The following SKA2 variants were observed in gnomAD, a reference collection of about 807,000 sequenced individuals.
The protein encoded by SKA2 is spindle and kinetochore-associated protein 2.
A neutral mutation model predicts 16.9 loss-of-function variants in SKA2; 13 were observed. That is an observed-to-expected ratio of 0.77 (90% CI 0.50 to 1.22). The LOEUF is 1.22. SKA2 is among the 50% of genes most tolerant of loss of function. The probability of loss-of-function intolerance (pLI) is 0.00; values close to 1 mark genes in which losing one functional copy is unlikely to be tolerated. For missense variants in SKA2, 107 were observed against 139.7 expected, an observed-to-expected ratio of 0.77 and a Z score of 1.18; for synonymous variants, 47 against 48.5, an observed-to-expected ratio of 0.97 and a Z score of 0.13.
At chr17:59,122,330 C>T (rs2046340609) in intron 2 of SKA2, among the ~76,000 whole-genome samples, 1 of 152,020 alleles carries the variant, frequency 6.6e-6, no homozygotes, top group South Asian at 2.1e-4. Context: ...AATTCAAAGG[C>T]TGGGTGCAGT....
intron 2 of SKA2, among the ~76,000 whole-genome samples, chr17:59,125,419 ATGGCTGAGCG>A (rs1366467489): frequency 2.0e-5 from 3 of 151,474 alleles, no homozygotes; most frequent in Non-Finnish European, 4.4e-5. Context: ...GGTTACAAGA[ATGGCTGAGCG>A]AGGTGGCTCA....
In SKA2 at chr17:59,124,434, G is replaced by GAA. The variant is rs11407682; in HGVS notation, c.121-4941_121-4940dup. The GAA allele has an allele frequency of 3.0e-3, 434 of 146,826 alleles. 1 individual carries two copies. The highest frequency in any genetic ancestry group is 4.1e-3 in the Non-Finnish European group (271 of 66,812). The allele number at this position is 146,826 out of a possible 1,614,324, so 9.1% of individuals were successfully genotyped here. On this transcript the variant is annotated intron_variant, in intron 2 of 3. Transcript: ENST00000330137. Reference sequence around the variant, plus strand: ...ACAACAGAGTGAGACTCTGTCTGGGGAAAAAAAAAAAAGTTTAACATTGGG... The same window carrying GAA: ...ACAACAGAGTGAGACTCTGTCTGGGGAAAAAAAAAAAAAAGTTTAACATTGGG...
intron 2 of SKA2, among the ~76,000 whole-genome samples, chr17:59,122,013 T>G (rs1341514998): frequency 6.6e-6 from 1 of 150,386 alleles, no homozygotes; most frequent in Non-Finnish European, 1.5e-5. Flanking sequence ...TCAAGAAGCC[T>G]ATAGAGCAGG....
chr17:59,141,775 C>T (rs1046154128), intron 1 of SKA2, among the ~76,000 whole-genome samples: 13 of 150,452 alleles, frequency 8.6e-5, no homozygotes, highest in Admixed American at 2.0e-4. Flanking sequence ...AATTATGGCA[C>T]GTGATACCAA....
chr17:59,130,533 G>T (rs1848526545), intron 2 of SKA2, among the ~76,000 whole-genome samples: 1 of 151,604 alleles, frequency 6.6e-6, no homozygotes, highest in African/African-American at 2.4e-5. Context: ...GGGAGACTGA[G>T]GCAAGAGAAT....
chr17:59,130,580 A>T (rs2046405686), intron 2 of SKA2, among the ~76,000 whole-genome samples: 1 of 151,698 alleles, frequency 6.6e-6, no homozygotes, highest in South Asian at 2.1e-4. Flanking sequence ...TGGTGAGCTG[A>T]GATTGCACCA....
At chr17:59,132,555 T>C (rs1200673352) in intron 1 of SKA2, among the ~76,000 whole-genome samples, 1 of 152,108 alleles carries the variant, frequency 6.6e-6, no homozygotes, top group Non-Finnish European at 1.5e-5. Flanking sequence ...TCCCAGCTAT[T>C]TGGGTAGCTG....
Position 59,129,900 on chromosome 17 carries a change from AGAGGGAGG to A in SKA2, c.120+1373_120+1380del, listed in dbSNP as rs370647754. ...GAGAAGAAGGATGGGAGGAAGGAAA[AGAGGGAGG>A]GAGGGAGGGAGGGAAGGAAGGAAGG... On this transcript the variant is annotated intron_variant, in intron 2 of 3. Transcript: ENST00000330137. 2.7e-3 allele frequency among the ~76,000 whole-genome samples: 320 copies of A among 117,874 alleles called. 1 individual carries two copies. The highest frequency in any genetic ancestry group is 8.1e-3 in the African/African-American group (246 of 30,462). 77.3% of individuals were successfully genotyped at this position (117,874 alleles called of 152,430 possible).
intron 1 of SKA2, among the ~76,000 whole-genome samples, chr17:59,142,668 A>T (rs1882903534): frequency 6.6e-6 from 1 of 151,494 alleles, no homozygotes. Context: ...GGCTCATGCC[A>T]GTAATCCCAG....
chr17:59,127,816 A>T (rs948745825), intron 2 of SKA2, among the ~76,000 whole-genome samples: 1 of 152,174 alleles, frequency 6.6e-6, no homozygotes, highest in Non-Finnish European at 1.5e-5. Context: ...TATATACTCG[A>T]GAGAAATGAA....
chr17:59,117,225 C>G (rs2046302672), intron 3 of SKA2, among the ~76,000 whole-genome samples: 1 of 152,140 alleles, frequency 6.6e-6, no homozygotes, highest in Non-Finnish European at 1.5e-5. Context: ...GCTCATATAA[C>G]TGTTTTTGGT....
chr17:59,144,917 C>T (rs994455936), intron 1 of SKA2, among the ~76,000 whole-genome samples: 3 of 152,160 alleles, frequency 2.0e-5, no homozygotes, highest in South Asian at 4.1e-4. Flanking sequence ...CTGCCTCAGT[C>T]TCCCGAGTAG....
Position 59,147,377 on chromosome 17 carries a change from GACACACACAC to G in SKA2, c.33+7744_33+7753del, listed in dbSNP as rs57098353. On this transcript the variant is annotated intron_variant, in intron 1 of 3. Transcript: ENST00000330137. ...ACTAAGAAAGAAATTTTATATATAA[GACACACACAC>G]ACACACACACACACACACACACACA... is the stretch of plus-strand genomic sequence containing the variant. Among the ~76,000 whole-genome samples the G allele has an allele frequency of 7.3e-3, 1,007 of 138,216 alleles. 7 individuals carry two copies. The highest frequency in any genetic ancestry group is 0.026 in the African/African-American group (936 of 36,604). The allele number at this position is 138,216 out of a possible 152,430, so 90.7% of individuals were successfully genotyped here. A position where few individuals can be genotyped will look rare whatever the true frequency, so the allele number is the denominator to read the frequency against.
chr17:59,127,916 G>A (rs2046382680), intron 2 of SKA2, among the ~76,000 whole-genome samples: 1 of 152,112 alleles, frequency 6.6e-6, no homozygotes, highest in African/African-American at 2.4e-5. Context: ...ACTGATGACT[G>A]GATAAGAAAA....
At chr17:59,120,145 T>G (rs530393617) in intron 2 of SKA2, among the ~76,000 whole-genome samples, 2 of 152,022 alleles carry the variant, frequency 1.3e-5, no homozygotes, top group Non-Finnish European at 2.9e-5. Flanking sequence ...CCTGACCTTG[T>G]GATCCGCCCG....
At chr17:59,114,794 T>C (rs1428245521) in intron 3 of SKA2, among the ~76,000 whole-genome samples, 2 of 152,148 alleles carry the variant, frequency 1.3e-5, no homozygotes, top group Non-Finnish European at 1.5e-5. Context: ...GGGGAATTAA[T>C]AGGAGGTACA....
chr17:59,123,085 G>T (rs529962298), intron 2 of SKA2, among the ~76,000 whole-genome samples: 2 of 143,720 alleles, frequency 1.4e-5, no homozygotes, highest in East Asian at 4.1e-4. Flanking sequence ...GGAAAAAAAA[G>T]AAAACAATTA....
At chr17:59,118,175 A>G (rs1411007778) in intron 3 of SKA2, 1 of 152,282 alleles carries the variant, frequency 6.6e-6, no homozygotes, top group Non-Finnish European at 1.5e-5. Context: ...CTGAGGCAGG[A>G]GAATCACTTG....
At chr17:59,130,009 AAG>A (rs774761537) in intron 2 of SKA2, among the ~76,000 whole-genome samples, 17 of 131,290 alleles carry the variant, frequency 1.3e-4, no homozygotes, top group African/African-American at 8.4e-5. Flanking sequence ...AAGAGAGAAA[AAG>A]AGAGGGAGGG....
Sources: gnomAD v4.1 joint callset for allele counts (sites outside exome capture counted in the v4.1 genomes callset) on GRCh38, gnomAD v4.1.1 for gene constraint, MANE v1.5 for transcripts, NCBI Gene and HGNC (gene_info 2026-07-23, HGNC 2026-07-21) for gene names.